Variants in ANO10 observed in about 807,000 individuals in gnomAD.
ANO10 encodes the protein anoctamin-10.
A neutral mutation model predicts 74.7 loss-of-function variants in ANO10; 77 were observed. The ratio of observed to expected loss-of-function variants is 1.03; its 90% CI spans 0.86 to 1.25. The LOEUF (loss-of-function observed/expected upper bound fraction) is 1.25. Among genes scored for constraint, ANO10 ranks in the 50% most tolerant of loss-of-function variants. The pLI, the probability that ANO10 is intolerant of heterozygous loss-of-function variation, is 0.00. For missense variants in ANO10, 721 were observed against 778.1 expected, an observed-to-expected ratio of 0.93 and a Z score of 0.87; for synonymous variants, 279 against 284.9, an observed-to-expected ratio of 0.98 and a Z score of 0.21.
At chr3:43,424,622 C>T (rs1211306745) in intron 12 of ANO10, 1 of 152,242 alleles carries the variant, frequency 6.6e-6, no homozygotes, top group African/African-American at 2.4e-5. Context: ...ACAGCTTTGA[C>T]TCACTGTGAT....
intron 4 of ANO10, among the ~76,000 whole-genome samples, chr3:43,594,848 A>C (rs1165280824): frequency 1.3e-5 from 2 of 152,148 alleles, no homozygotes; most frequent in Non-Finnish European, 2.9e-5. Flanking sequence ...AAGATCAACA[A>C]AATTGATAGA....
In ANO10 at chr3:43,571,842, AAAG is replaced by A. The variant is rs1167552386; in HGVS notation, c.1218+2964_1218+2966del. Among the ~76,000 whole-genome samples, 605 of 149,202 alleles carry A rather than the reference AAAG, an allele frequency of 4.1e-3. 4 individuals are homozygous for A. Among genetic ancestry groups the A allele is most frequent in the African/African-American group, 0.014 (581 of 40,398 alleles). On this transcript the variant is annotated intron_variant, in intron 7 of 12. Coordinates refer to ENST00000292246, the MANE Select transcript of ANO10 (RefSeq NM_018075.5). ...CTAAAACTTAAAGTATAAAAAAAAA[AAAG>A]AAGTATTTTCCTACATTAAAAAAAA... is the stretch of plus-strand genomic sequence containing the variant.
intron 4 of ANO10, among the ~76,000 whole-genome samples, chr3:43,588,855 T>C (rs2081594366): frequency 6.6e-6 from 1 of 152,040 alleles, no homozygotes. Flanking sequence ...ACAAAATTCA[T>C]AAAACAAAGG....
At chr3:43,528,697 C>T (rs1014809622) in intron 11 of ANO10, among the ~76,000 whole-genome samples, 2 of 151,914 alleles carry the variant, frequency 1.3e-5, no homozygotes, top group African/African-American at 4.8e-5. Context: ...AAAGAAGATC[C>T]AACATATAGC....
At chr3:43,556,871 T>C (rs769740567) in intron 9 of ANO10, among the ~76,000 whole-genome samples, 1 of 152,088 alleles carries the variant, frequency 6.6e-6, no homozygotes, top group Non-Finnish European at 1.5e-5. Flanking sequence ...GCCTAGTAGA[T>C]AATAAAAAGG....
chr3:43,446,409 G>A (rs2093246789), intron 11 of ANO10, among the ~76,000 whole-genome samples: 1 of 152,222 alleles, frequency 6.6e-6, no homozygotes, highest in Non-Finnish European at 1.5e-5. Context: ...TTTGCTCTGA[G>A]AGAGAGCAAC....
chr3:43,381,191 T>C (rs2091950478), intron 12 of ANO10, among the ~76,000 whole-genome samples: 2 of 152,150 alleles, frequency 1.3e-5, no homozygotes, highest in East Asian at 3.9e-4. Flanking sequence ...AGATGAGATC[T>C]GGGCCAGGAC....
At chr3:43,591,072 A>G (rs2081722482) in intron 4 of ANO10, among the ~76,000 whole-genome samples, 1 of 152,010 alleles carries the variant, frequency 6.6e-6, no homozygotes, top group Admixed American at 6.6e-5. Context: ...GGGAGCGGCA[A>G]CCCCCTTTGG....
chr3:43,540,405 A>T (rs1458764973), intron 11 of ANO10, among the ~76,000 whole-genome samples: 1 of 152,188 alleles, frequency 6.6e-6, no homozygotes, highest in Non-Finnish European at 1.5e-5. Context: ...AGCAATGTAA[A>T]AACAGAATCT....
At chr3:43,657,145 T>C (rs2083866924) in intron 1 of ANO10, among the ~76,000 whole-genome samples, 1 of 152,258 alleles carries the variant, frequency 6.6e-6, no homozygotes, top group Admixed American at 6.5e-5. Context: ...GGGATCCTTT[T>C]CCTGTCTTCT....
intron 11 of ANO10, among the ~76,000 whole-genome samples, chr3:43,474,574 G>A (rs1246520012): frequency 6.6e-6 from 1 of 151,990 alleles, no homozygotes; most frequent in East Asian, 1.9e-4. Context: ...GCTCTTTGAT[G>A]TTTAATTCAG....
At chr3:43,375,070 G>A (rs1245917687) in intron 12 of ANO10, among the ~76,000 whole-genome samples, 1 of 151,852 alleles carries the variant, frequency 6.6e-6, no homozygotes, top group Non-Finnish European at 1.5e-5. Context: ...GCAGTGAGCC[G>A]AGATTGCGCC....
At chr3:43,491,087 G>T (rs1160141700) in intron 11 of ANO10, among the ~76,000 whole-genome samples, 2 of 152,148 alleles carry the variant, frequency 1.3e-5, no homozygotes, top group African/African-American at 4.8e-5. Context: ...AAGTGAGCAT[G>T]CGTACAACTC....
chr3:43,634,312 T>C (rs932732359), intron 1 of ANO10, among the ~76,000 whole-genome samples: 1 of 152,102 alleles, frequency 6.6e-6, no homozygotes, highest in Non-Finnish European at 1.5e-5. Context: ...TTAAAAAAAA[T>C]AAGATAGGTA....
chr3:43,447,801 T>C (rs557172794), intron 11 of ANO10, among the ~76,000 whole-genome samples: 158 of 152,340 alleles, frequency 1.0e-3, no homozygotes, highest in African/African-American at 3.8e-3. Flanking sequence ...TATTAAGGTC[T>C]AACATTTGTA....
chr3:43,508,229 G>A (rs1186982528), intron 11 of ANO10, among the ~76,000 whole-genome samples: 1 of 152,094 alleles, frequency 6.6e-6, no homozygotes, highest in Non-Finnish European at 1.5e-5. Context: ...ACTTTTCAAA[G>A]CTTATGTGAA....
intron 11 of ANO10, among the ~76,000 whole-genome samples, chr3:43,516,815 C>T (rs933857583): frequency 6.6e-6 from 1 of 152,064 alleles, no homozygotes; most frequent in Non-Finnish European, 1.5e-5. Context: ...ACAGTTTCAA[C>T]GTGAGTAACA....
intron 7 of ANO10, among the ~76,000 whole-genome samples, chr3:43,574,536 C>T (rs938252350): frequency 6.6e-6 from 1 of 152,150 alleles, no homozygotes; most frequent in East Asian, 1.9e-4. Flanking sequence ...GCTGAGATTA[C>T]AGGTATGAAC....
intron 11 of ANO10, among the ~76,000 whole-genome samples, chr3:43,539,881 A>G (rs2078880378): frequency 6.6e-6 from 1 of 152,202 alleles, no homozygotes; most frequent in Non-Finnish European, 1.5e-5. Flanking sequence ...CAGAGGGGTG[A>G]GACTTGCCTT....
Sources: gnomAD v4.1 joint callset for allele counts (sites outside exome capture counted in the v4.1 genomes callset) on GRCh38, gnomAD v4.1.1 for gene constraint, MANE v1.5 for transcripts, NCBI Gene and HGNC (gene_info 2026-07-23, HGNC 2026-07-21) for gene names.